PAK5: variants seen among roughly 807,000 people sequenced by gnomAD.
PAK5 encodes p21 (RAC1) activated kinase 5.
PAK5 carries 16 observed loss-of-function variants against 65.9 expected under a neutral mutation model. The ratio of observed to expected loss-of-function variants is 0.24; its 90% confidence interval spans 0.16 to 0.37. The LOEUF (loss-of-function observed/expected upper bound fraction) is 0.37, where lower values mean the gene tolerates loss of function less well. Ranked by LOEUF, PAK5 falls within the 10% of genes least tolerant of loss-of-function variation. PAK5 has a pLI of 1.00. For missense variants in PAK5, 785 were observed against 903.9 expected, an observed-to-expected ratio of 0.87 and a Z score of 1.69; for synonymous variants, 371 against 354.9, an observed-to-expected ratio of 1.05 and a Z score of -0.51.
chr20:9,801,389 A>C (rs1457426720), intron 1 of PAK5, among the ~76,000 whole-genome samples: 1 of 151,620 alleles, frequency 6.6e-6, no homozygotes, highest in Admixed American at 6.6e-5. Flanking sequence ...TTTTTTTCCC[A>C]AGTGACTAAT....
intron 3 of PAK5, among the ~76,000 whole-genome samples, chr20:9,583,553 G>T (rs552473953): frequency 5.9e-5 from 9 of 152,288 alleles, no homozygotes; most frequent in African/African-American, 2.2e-4. Context: ...TGTTATAAAT[G>T]TATAGCTGTT....
intron 2 of PAK5, among the ~76,000 whole-genome samples, chr20:9,700,450 T>A (rs932601591): frequency 1.3e-5 from 2 of 152,180 alleles, no homozygotes; most frequent in Non-Finnish European, 2.9e-5. Flanking sequence ...AGCATTCCAC[T>A]GAATGAATAA....
chr20:9,754,544 T>C (rs1029178830), intron 1 of PAK5, among the ~76,000 whole-genome samples: 4 of 152,144 alleles, frequency 2.6e-5, no homozygotes, highest in African/African-American at 9.7e-5. Flanking sequence ...GGTTTGACAA[T>C]AGAGATGTTT....
rs560076343 is a variant in PAK5 at position 9,538,649 on chromosome 20, G to A, written c.*813C>T. 7 of 233,320 alleles carry A rather than the reference G, an allele frequency of 3.0e-5. No individual in the cohort carries two copies. Among genetic ancestry groups the A allele is most frequent in the African/African-American group, 4.4e-5 (2 of 45,436 alleles). 14.5% of individuals were successfully genotyped at this position (233,320 alleles called of 1,614,324 possible). Reference sequence around the variant, plus strand: ...AAAAGAATGGTTTGCTACTAGAGGCGTTCATGGAAAATGTGATCTTTAAAA... The same window carrying A: ...AAAAGAATGGTTTGCTACTAGAGGCATTCATGGAAAATGTGATCTTTAAAA... On this transcript the variant is annotated 3_prime_UTR_variant, in exon 10 of 10. Transcript: ENST00000353224.
chr20:9,782,857 C>T (rs1343731096), intron 1 of PAK5, among the ~76,000 whole-genome samples: 1 of 152,058 alleles, frequency 6.6e-6, no homozygotes, highest in African/African-American at 2.4e-5. Context: ...CATCGTCAAA[C>T]ATTTTCAAAG....
At chr20:9,660,444 G>A (rs1370796273) in intron 2 of PAK5, among the ~76,000 whole-genome samples, 1 of 151,706 alleles carries the variant, frequency 6.6e-6, no homozygotes, top group African/African-American at 2.4e-5. Flanking sequence ...GACGCAATAG[G>A]GAGGCAGACA....
chr20:9,805,415 T>C (rs2049219810), intron 1 of PAK5, among the ~76,000 whole-genome samples: 1 of 152,144 alleles, frequency 6.6e-6, no homozygotes, highest in African/African-American at 2.4e-5. Context: ...CAAAAACTTA[T>C]ACAAAGCGGT....
chr20:9,678,003 T>C (rs891149805), intron 2 of PAK5, among the ~76,000 whole-genome samples: 8 of 152,224 alleles, frequency 5.3e-5, no homozygotes, highest in African/African-American at 7.2e-5. Flanking sequence ...GAAGGGACCA[T>C]GGGCTCATCA....
Position 9,539,356 on chromosome 20 carries a change from G to A in PAK5, c.*106C>T, listed in dbSNP as rs1172718527. On this transcript the variant is annotated 3_prime_UTR_variant, in exon 10 of 10. Coordinates refer to ENST00000353224, the MANE Select transcript of PAK5 (RefSeq NM_177990.4). Reference sequence around the variant, plus strand: ...GGTCATCACGCTGTCCCACCAATTGGCTGGTCTAGAATGCACAGGCCTTTT... The same window carrying A: ...GGTCATCACGCTGTCCCACCAATTGACTGGTCTAGAATGCACAGGCCTTTT... The A allele has an allele frequency of 3.8e-6, 4 of 1,062,492 alleles. No individual in the cohort carries two copies. In the East Asian group the frequency reaches 9.5e-5, roughly 25 times the overall value. 65.8% of individuals were successfully genotyped at this position (1,062,492 alleles called of 1,614,324 possible).
At chr20:9,705,782 CAG>C (rs1373701359) in intron 2 of PAK5, among the ~76,000 whole-genome samples, 1 of 152,072 alleles carries the variant, frequency 6.6e-6, no homozygotes, top group Non-Finnish European at 1.5e-5. Context: ...ATGGAAACAA[CAG>C]AAATATCAAT....
intron 1 of PAK5, among the ~76,000 whole-genome samples, chr20:9,817,851 C>T (rs748660658): frequency 1.3e-5 from 2 of 152,146 alleles, no homozygotes; most frequent in South Asian, 2.1e-4. Context: ...TATCAATTCT[C>T]AGTTAATGAG....
At chr20:9,697,871 G>A (rs1047649364) in intron 2 of PAK5, among the ~76,000 whole-genome samples, 1 of 151,936 alleles carries the variant, frequency 6.6e-6, no homozygotes, top group Non-Finnish European at 1.5e-5. Flanking sequence ...AACCAGTCTT[G>A]GTTTGGACAA....
chr20:9,732,880 C>T (rs1037716517), intron 1 of PAK5, among the ~76,000 whole-genome samples: 10 of 152,172 alleles, frequency 6.6e-5, no homozygotes, highest in East Asian at 1.9e-4. Context: ...ATGGTGCTTG[C>T]GTAGACACCA....
chr20:9,736,620 T>A (rs1157589558), intron 1 of PAK5, among the ~76,000 whole-genome samples: 1 of 152,204 alleles, frequency 6.6e-6, no homozygotes, highest in Non-Finnish European at 1.5e-5. Context: ...GTTATTATCA[T>A]GAAGGTTTCA....
intron 4 of PAK5, among the ~76,000 whole-genome samples, chr20:9,575,010 T>G (rs1003313834): frequency 6.6e-6 from 1 of 152,164 alleles, no homozygotes; most frequent in African/African-American, 2.4e-5. Context: ...AATCTGGGCA[T>G]GACAAGTACC....
chr20:9,547,499 C>A (rs1257985317), intron 7 of PAK5, among the ~76,000 whole-genome samples: 3 of 152,082 alleles, frequency 2.0e-5, no homozygotes, highest in Non-Finnish European at 2.9e-5. Context: ...GAGAAGTAAG[C>A]CAAAACACAG....
chr20:9,810,542 T>A (rs1014709222), intron 1 of PAK5, among the ~76,000 whole-genome samples: 1 of 152,144 alleles, frequency 6.6e-6, no homozygotes, highest in Non-Finnish European at 1.5e-5. Flanking sequence ...CAAGACCCTG[T>A]CTCCAAAGAA....
chr20:9,654,653 A>G (rs554359899), intron 2 of PAK5, among the ~76,000 whole-genome samples: 2 of 152,100 alleles, frequency 1.3e-5, no homozygotes, highest in Admixed American at 6.5e-5. Context: ...CTTCTCACCG[A>G]CCTTAAAAAC....
intron 3 of PAK5, among the ~76,000 whole-genome samples, chr20:9,628,535 G>C (rs182242480): frequency 1.3e-4 from 20 of 152,258 alleles, no homozygotes; most frequent in Admixed American, 1.2e-3. Flanking sequence ...TTATACTTCT[G>C]TTATAACATT....
Sources: gnomAD v4.1 joint callset for allele counts (sites outside exome capture counted in the v4.1 genomes callset) on GRCh38, gnomAD v4.1.1 for gene constraint, MANE v1.5 for transcripts, NCBI Gene and HGNC (gene_info 2026-07-23, HGNC 2026-07-21) for gene names.